NELL1: variants seen among roughly 807,000 people sequenced by gnomAD.
NELL1 encodes neural EGFL like 1, also known as protein kinase C-binding protein NELL1.
In NELL1, 76 loss-of-function variants were observed where a neutral mutation model predicts 107.4. The ratio of observed to expected loss-of-function variants is 0.71; its 90% CI spans 0.59 to 0.86. NELL1 has a LOEUF of 0.86. NELL1 is among the 40% of genes least tolerant of loss of function. The probability of loss-of-function intolerance (pLI) is 0.00; values close to 1 mark genes in which losing one functional copy is unlikely to be tolerated. For missense variants in NELL1, 1,024 were observed against 1,005.5 expected (o/e 1.02, Z -0.25); for synonymous variants, 353 against 341.2 (o/e 1.03, Z -0.38).
At chr11:21,352,311 G>A (rs1850835696) in intron 14 of NELL1, among the ~76,000 whole-genome samples, 1 of 152,102 alleles carries the variant, frequency 6.6e-6, no homozygotes, top group African/African-American at 2.4e-5. Context: ...TAGAGGATAA[G>A]TTGCATATGA....
intron 15 of NELL1, among the ~76,000 whole-genome samples, chr11:21,435,478 TATC>T: frequency 6.8e-6 from 1 of 147,778 alleles, no homozygotes; most frequent in African/African-American, 2.5e-5. Flanking sequence ...TGTTAGCTTT[TATC>T]GTTTTTTGTT....
At chr11:20,764,390 G>C (rs1190028081) in intron 2 of NELL1, among the ~76,000 whole-genome samples, 1 of 152,068 alleles carries the variant, frequency 6.6e-6, no homozygotes, top group Non-Finnish European at 1.5e-5. Flanking sequence ...TGTGGACTTG[G>C]TGAAATATGG....
intron 4 of NELL1, among the ~76,000 whole-genome samples, chr11:20,867,660 T>G: frequency 6.6e-6 from 1 of 152,192 alleles, no homozygotes; most frequent in East Asian, 1.9e-4. Context: ...ATGCATAGTA[T>G]TTGTGTTTAA....
chr11:21,483,884 C>CATATAT (rs71034525), intron 15 of NELL1, among the ~76,000 whole-genome samples: 5 of 118,864 alleles, frequency 4.2e-5, no homozygotes, highest in African/African-American at 1.6e-4. Context: ...CACACACACA[C>CATATAT]ATATATATAT....
At chr11:21,484,619 T>A (rs765906150) in intron 15 of NELL1, among the ~76,000 whole-genome samples, 14 of 151,940 alleles carry the variant, frequency 9.2e-5, no homozygotes, top group Non-Finnish European at 1.6e-4. Context: ...TGCATACATA[T>A]CCATATATAC....
At chr11:20,816,639 G>T (rs1248056058) in intron 3 of NELL1, among the ~76,000 whole-genome samples, 1 of 151,970 alleles carries the variant, frequency 6.6e-6, no homozygotes, top group Non-Finnish European at 1.5e-5. Context: ...ATTTATTTCT[G>T]TTGCTAGATT....
intron 2 of NELL1, among the ~76,000 whole-genome samples, chr11:20,767,252 C>T (rs942636244): frequency 9.9e-5 from 15 of 152,082 alleles, no homozygotes; most frequent in South Asian, 4.2e-4. Context: ...TTGTGAAGAG[C>T]GAAAGAACAA....
At chr11:20,986,141 C>A (rs1203550965) in intron 12 of NELL1, among the ~76,000 whole-genome samples, 1 of 152,114 alleles carries the variant, frequency 6.6e-6, no homozygotes, top group Non-Finnish European at 1.5e-5. Context: ...GCCATGCTAC[C>A]CTCCGCTCCC....
chr11:20,772,397 G>A (rs1313980363), intron 2 of NELL1, among the ~76,000 whole-genome samples: 1 of 152,088 alleles, frequency 6.6e-6, no homozygotes, highest in East Asian at 1.9e-4. Flanking sequence ...GTGAGATCTT[G>A]GATAAGTCAC....
chr11:21,025,515 T>C (rs146564768), intron 12 of NELL1, among the ~76,000 whole-genome samples: 1 of 151,988 alleles, frequency 6.6e-6, no homozygotes, highest in African/African-American at 2.4e-5. Flanking sequence ...ACAAATTTAA[T>C]GTATAGGAAG....
intron 14 of NELL1, among the ~76,000 whole-genome samples, chr11:21,335,328 CCT>C (rs894759876): frequency 6.6e-6 from 1 of 151,374 alleles, no homozygotes; most frequent in African/African-American, 2.4e-5. Context: ...TTAACTATTT[CCT>C]CTCTCTCTCT....
intron 3 of NELL1, among the ~76,000 whole-genome samples, chr11:20,838,175 A>G (rs1848566437): frequency 6.6e-6 from 1 of 151,644 alleles, no homozygotes; most frequent in African/African-American, 2.4e-5. Context: ...TGACAACCCT[A>G]GTATAATTAT....
intron 14 of NELL1, among the ~76,000 whole-genome samples, chr11:21,287,837 A>T (rs1226220524): frequency 1.3e-5 from 2 of 151,758 alleles, no homozygotes; most frequent in African/African-American, 4.8e-5. Flanking sequence ...TCTGATTGTG[A>T]TTACATGTTT....
At chr11:21,356,794 C>T (rs1281021749) in intron 14 of NELL1, among the ~76,000 whole-genome samples, 1 of 152,124 alleles carries the variant, frequency 6.6e-6, no homozygotes, top group Non-Finnish European at 1.5e-5. Flanking sequence ...AGTCTTTTAT[C>T]CCTTGAACCG....
At chr11:21,173,806 C>T (rs10500898) in intron 13 of NELL1, among the ~76,000 whole-genome samples, 54,412 of 151,250 alleles carry the variant, frequency 0.36, 10,181 homozygotes, top group Middle Eastern at 0.41. Flanking sequence ...TGTGTTGCTA[C>T]AGGAATTCAG....
intron 13 of NELL1, among the ~76,000 whole-genome samples, chr11:21,133,871 G>A (rs774491317): frequency 6.6e-6 from 1 of 152,280 alleles, no homozygotes; most frequent in African/African-American, 2.4e-5. Flanking sequence ...GCACCTGGAG[G>A]GTGGGGCTCC....
At chr11:21,021,090 C>G (rs1409996391) in intron 12 of NELL1, among the ~76,000 whole-genome samples, 1 of 150,770 alleles carries the variant, frequency 6.6e-6, no homozygotes, top group African/African-American at 2.4e-5. Flanking sequence ...ACTTTCACAA[C>G]TACCAAATGT....
At chr11:20,682,389 CTTT>C (rs1256233943) in intron 2 of NELL1, among the ~76,000 whole-genome samples, 1 of 150,620 alleles carries the variant, frequency 6.6e-6, no homozygotes, top group African/African-American at 2.4e-5. Flanking sequence ...AGATATTTTA[CTTT>C]TTTTAAAAAA....
chr11:21,221,285 G>C (rs1857750086), intron 13 of NELL1, among the ~76,000 whole-genome samples: 4 of 152,158 alleles, frequency 2.6e-5, no homozygotes. Flanking sequence ...CAGTTTGCTA[G>C]TATTTGGTCG....
Sources: allele counts gnomAD v4.1 joint callset (sites outside exome capture counted in the v4.1 genomes callset), GRCh38; gene constraint gnomAD v4.1.1; transcripts MANE v1.5; gene names NCBI Gene and HGNC (gene_info 2026-07-23, HGNC 2026-07-21).